The following LYPD6 variants were observed in gnomAD, a reference collection of about 807,000 sequenced individuals.
LYPD6 encodes the protein LY6/PLAUR domain containing 6, also known as ly6/PLAUR domain-containing protein 6.
In LYPD6, 15 loss-of-function variants were observed where a neutral mutation model predicts 22.7. The ratio of observed to expected loss-of-function variants is 0.66; its 90% CI spans 0.44 to 1.02. The LOEUF (loss-of-function observed/expected upper bound fraction) is 1.02. Ranked by LOEUF, LYPD6 falls within the 50% of genes least tolerant of loss-of-function variation. The pLI, the probability that LYPD6 is intolerant of heterozygous loss-of-function variation, is 0.00. For synonymous variants in LYPD6, 72 were observed against 77.5 expected, an observed-to-expected ratio of 0.93 and a Z score of 0.37; for missense variants, 189 against 208.4, an observed-to-expected ratio of 0.91 and a Z score of 0.57.
intron 1 of LYPD6, among the ~76,000 whole-genome samples, chr2:149,412,264 T>G (rs1252698525): frequency 5.3e-5 from 8 of 152,216 alleles, no homozygotes; most frequent in Admixed American, 2.0e-4. Flanking sequence ...TTACCAATTT[T>G]ATGGGTGTAG....
chr2:149,458,896 G>C (rs967075742), intron 3 of LYPD6, among the ~76,000 whole-genome samples: 1 of 152,146 alleles, frequency 6.6e-6, no homozygotes, highest in Admixed American at 6.5e-5. Context: ...CTGAACAACA[G>C]GTAGAAAATA....
intron 1 of LYPD6, among the ~76,000 whole-genome samples, chr2:149,408,815 G>A (rs141160955): frequency 3.9e-5 from 6 of 152,140 alleles, no homozygotes; most frequent in East Asian, 1.9e-4. Flanking sequence ...TTTATATCCC[G>A]TACCATGTTT....
the LYPD6 span, among the ~76,000 whole-genome samples, chr2:149,481,206 G>T: frequency 6.6e-6 from 1 of 152,152 alleles, no homozygotes; most frequent in Non-Finnish European, 1.5e-5. Flanking sequence ...AGAGTAAGGG[G>T]CAATCTCAAG....
chr2:149,425,024 G>T (rs569760909), intron 1 of LYPD6, among the ~76,000 whole-genome samples: 1 of 152,216 alleles, frequency 6.6e-6, no homozygotes, highest in Non-Finnish European at 1.5e-5. Context: ...CTGCCCCTCA[G>T]GTTGTGTGTC....
At chr2:149,416,608 A>G (rs568701586) in intron 1 of LYPD6, among the ~76,000 whole-genome samples, 33 of 152,318 alleles carry the variant, frequency 2.2e-4, no homozygotes, top group Admixed American at 3.9e-4. Flanking sequence ...TAAGGAGCCC[A>G]GGACCTCCCT....
At chr2:149,350,901 T>C (rs942268748) in intron 1 of LYPD6, among the ~76,000 whole-genome samples, 7 of 152,318 alleles carry the variant, frequency 4.6e-5, no homozygotes, top group Middle Eastern at 3.4e-3. Flanking sequence ...CTGGTGAGTG[T>C]CCACAGGCAG....
intron 1 of LYPD6, among the ~76,000 whole-genome samples, chr2:149,345,099 C>T (rs946253818): frequency 6.6e-6 from 1 of 151,956 alleles, no homozygotes; most frequent in Non-Finnish European, 1.5e-5. Flanking sequence ...CACTGAGACA[C>T]CCCCCGACCC....
chr2:149,422,439 T>C (rs1017397106), intron 1 of LYPD6, among the ~76,000 whole-genome samples: 2 of 152,110 alleles, frequency 1.3e-5, no homozygotes, highest in African/African-American at 2.4e-5. Context: ...GTCTCTCTGC[T>C]CTGGAGCCCA....
intron 1 of LYPD6, among the ~76,000 whole-genome samples, chr2:149,410,615 A>G (rs1313186879): frequency 6.7e-6 from 1 of 149,256 alleles, no homozygotes; most frequent in Admixed American, 6.7e-5. Flanking sequence ...ATGTCAATAG[A>G]AAAAAAAAAG....
intron 1 of LYPD6, among the ~76,000 whole-genome samples, chr2:149,374,859 G>C (rs1327756374): frequency 6.6e-6 from 1 of 152,226 alleles, no homozygotes; most frequent in Non-Finnish European, 1.5e-5. Context: ...AGGAAAAATA[G>C]TGGTTTTGTT....
At chr2:149,390,239 A>T (rs1266525092) in intron 1 of LYPD6, among the ~76,000 whole-genome samples, 4 of 152,152 alleles carry the variant, frequency 2.6e-5, no homozygotes, top group Admixed American at 6.6e-5. Context: ...CCCACCATTT[A>T]CTTTGGCTGT....
chr2:149,462,856 T>C (rs571095945), intron 3 of LYPD6, among the ~76,000 whole-genome samples: 1 of 152,080 alleles, frequency 6.6e-6, no homozygotes, highest in Non-Finnish European at 1.5e-5. Context: ...AGGCAAAAAA[T>C]GAATCTCAGC....
At chr2:149,455,510 G>T (rs1019570664) in intron 3 of LYPD6, among the ~76,000 whole-genome samples, 1 of 151,934 alleles carries the variant, frequency 6.6e-6, no homozygotes. Context: ...CACCCACCTC[G>T]GCCTTCCAAA....
rs1681344202 is a variant in LYPD6, at chr2:149,350,799, TGCCCA to T, written c.-72+20081_-72+20085del. 2.6e-5 allele frequency among the ~76,000 whole-genome samples: 4 copies of T among 152,352 alleles called. No homozygotes were observed. In the South Asian group the frequency reaches 8.3e-4, roughly 32 times the overall value. On this transcript the variant is annotated intron_variant, in intron 1 of 4. Transcript: ENST00000334166. ...TTTATTCTGTAAATAAAATAGTGAC[TGCCCA>T]GCCAAAGCTAACAATTCATCTTGGG...
intron 3 of LYPD6, among the ~76,000 whole-genome samples, chr2:149,468,142 C>CACACACACACACAA (rs1468734545): frequency 1.0e-4 from 13 of 128,972 alleles, no homozygotes; most frequent in Non-Finnish European, 1.7e-4. Context: ...AACACACACA[C>CACACACACACACAA]ACACACACAC....
At chr2:149,406,305 G>A (rs1328520167) in intron 1 of LYPD6, among the ~76,000 whole-genome samples, 6 of 151,916 alleles carry the variant, frequency 3.9e-5, no homozygotes, top group Non-Finnish European at 5.9e-5. Flanking sequence ...TTTCTGTCTC[G>A]TTGATCTGTC....
At chr2:149,408,173 G>A (rs1019101840) in intron 1 of LYPD6, among the ~76,000 whole-genome samples, 1 of 152,168 alleles carries the variant, frequency 6.6e-6, no homozygotes, top group South Asian at 2.1e-4. Context: ...TAGGCTGCTC[G>A]GGGGTCAGGG....
At chr2:149,336,701 T>C (rs1217554970) in intron 1 of LYPD6, among the ~76,000 whole-genome samples, 2 of 152,206 alleles carry the variant, frequency 1.3e-5, no homozygotes, top group African/African-American at 4.8e-5. Context: ...ATTATCTTCT[T>C]TTACCTGTGT....
chr2:149,470,198 A>G (rs1424098840), intron 4 of LYPD6, among the ~76,000 whole-genome samples: 1 of 152,202 alleles, frequency 6.6e-6, no homozygotes, highest in Non-Finnish European at 1.5e-5. Flanking sequence ...TAACTCACCC[A>G]ATGAGAATGG....
Sources: allele counts gnomAD v4.1 joint callset (sites outside exome capture counted in the v4.1 genomes callset), GRCh38; gene constraint gnomAD v4.1.1; transcripts MANE v1.5; gene names NCBI Gene and HGNC (gene_info 2026-07-23, HGNC 2026-07-21).